Variants in RPS6KA2 observed in about 807,000 individuals in gnomAD.
RPS6KA2 encodes ribosomal protein S6 kinase A2.
RPS6KA2 carries 42 observed loss-of-function variants against 91.8 expected under a neutral mutation model. The ratio of observed to expected loss-of-function variants is 0.46; its 90% CI spans 0.36 to 0.59. RPS6KA2 has a LOEUF of 0.59. Among genes scored for constraint, RPS6KA2 ranks in the 20% least tolerant of loss-of-function variants. The pLI is 0.00. For synonymous variants in RPS6KA2, 414 were observed against 393.6 expected (o/e 1.05, Z -0.61); for missense variants, 798 against 978.5 (o/e 0.82, Z 2.46).
At chr6:166,536,945 C>T (rs1783498884) in intron 2 of RPS6KA2, among the ~76,000 whole-genome samples, 1 of 152,220 alleles carries the variant, frequency 6.6e-6, no homozygotes, top group Non-Finnish European at 1.5e-5. Flanking sequence ...CACTTGTTTT[C>T]CAAAACATGT....
chr6:166,547,523 A>G (rs1156864676), intron 1 of RPS6KA2, among the ~76,000 whole-genome samples: 3 of 152,166 alleles, frequency 2.0e-5, no homozygotes, highest in African/African-American at 7.2e-5. Context: ...GCAGAGCAAA[A>G]CTGTTAGGCT....
At chr6:166,514,182 T>C (rs529672926) in intron 3 of RPS6KA2, among the ~76,000 whole-genome samples, 20 of 152,294 alleles carry the variant, frequency 1.3e-4, no homozygotes, top group East Asian at 7.7e-4. Context: ...CTCAAATTCC[T>C]TCCTCCCCCA....
At chr6:166,837,104 C>T (rs1393622154) in intron 2 of RPS6KA2, among the ~76,000 whole-genome samples, 2 of 152,200 alleles carry the variant, frequency 1.3e-5, no homozygotes. Flanking sequence ...CCGAGGAAGA[C>T]CGACGCTGTC....
Position 166,412,525 on chromosome 6 carries a change from T to G in RPS6KA2, c.*237A>C. 35 of 372,088 alleles carry G rather than the reference T, an allele frequency of 9.4e-5. No homozygotes were observed. The highest frequency in any genetic ancestry group is 1.4e-4 in the East Asian group (3 of 21,826). The allele number at this position is 372,088 out of a possible 1,614,324, so 23.0% of individuals were successfully genotyped here. On this transcript the variant is annotated 3_prime_UTR_variant, in exon 21 of 21. Coordinates refer to ENST00000265678, the MANE Select transcript of RPS6KA2 (RefSeq NM_021135.6). This position sits in a 1 kb window ranked among gnomAD's most constrained non-coding sequence, Gnocchi z 4.3. Reference sequence around the variant, plus strand: ...CGGGCACGCGAGGTGAAGGGGCGCATTTGGTTTCGCTTGGGAGAAAAGAGA... The same window carrying G: ...CGGGCACGCGAGGTGAAGGGGCGCAGTTGGTTTCGCTTGGGAGAAAAGAGA...
Position 166,412,892 on chromosome 6 carries a change from A to G in RPS6KA2, c.2077-5T>C. The G allele has an allele frequency of 6.5e-7, 1 of 1,550,288 alleles. No individual in the cohort carries two copies. The highest frequency in any genetic ancestry group is 1.7e-4 in the Middle Eastern group (1 of 5,972). ...GTAGGTGGCGGCCATCGCGCCCTGCAAAACAGAAGACAAGGGTGAGAGCCG... is the reference window on the plus strand; with the variant it reads ...GTAGGTGGCGGCCATCGCGCCCTGCGAAACAGAAGACAAGGGTGAGAGCCG... On this transcript the variant is annotated splice_region_variant and splice_polypyrimidine_tract_variant and intron_variant, in intron 20 of 20. Transcript: ENST00000265678. The surrounding 1 kb of genome is among the most constrained non-coding windows in gnomAD (Gnocchi z 4.3).
chr6:166,558,986 T>C (rs570512456), intron 1 of RPS6KA2, among the ~76,000 whole-genome samples: 1 of 152,358 alleles, frequency 6.6e-6, no homozygotes, highest in African/African-American at 2.4e-5. Context: ...TTTGTGCTTT[T>C]GAGTGGGTTG....
At chr6:166,609,223 T>C (rs1393235026) in intron 1 of RPS6KA2, among the ~76,000 whole-genome samples, 2 of 152,168 alleles carry the variant, frequency 1.3e-5, no homozygotes, top group Admixed American at 6.5e-5. Context: ...TGGGAGGTAC[T>C]ACAGAGATGA....
chr6:166,580,945 A>C (rs1405486449), intron 1 of RPS6KA2, among the ~76,000 whole-genome samples: 2 of 152,162 alleles, frequency 1.3e-5, no homozygotes, highest in African/African-American at 4.8e-5. Context: ...TCTGTTGCCC[A>C]GGCTGGAATG....
intron 2 of RPS6KA2, among the ~76,000 whole-genome samples, chr6:166,820,877 C>T (rs925480300): frequency 2.0e-5 from 3 of 152,218 alleles, no homozygotes; most frequent in African/African-American, 4.8e-5. Flanking sequence ...CCAATTACTA[C>T]GTTCACACAC....
intron 19 of RPS6KA2, among the ~76,000 whole-genome samples, chr6:166,414,356 C>CAAAT (rs1331681098): frequency 6.6e-6 from 1 of 152,144 alleles, no homozygotes; most frequent in Non-Finnish European, 1.5e-5. Context: ...ATATTTACTA[C>CAAAT]AAATAATCAG....
At chr6:166,792,728 A>C (rs983904449) in intron 2 of RPS6KA2, among the ~76,000 whole-genome samples, 8 of 152,254 alleles carry the variant, frequency 5.3e-5, no homozygotes, top group African/African-American at 1.9e-4. Flanking sequence ...ATAATCCATC[A>C]TATAAACAGA....
intron 2 of RPS6KA2, among the ~76,000 whole-genome samples, chr6:166,652,434 A>G (rs991176019): frequency 6.6e-6 from 1 of 152,152 alleles, no homozygotes; most frequent in African/African-American, 2.4e-5. Flanking sequence ...TCCCATGAGG[A>G]GTTTGATCGT....
rs533052930 is a variant in RPS6KA2, at chr6:166,538,486, C to T, written c.216+182G>A. Among the ~76,000 whole-genome samples the T allele has an allele frequency of 1.8e-4, 27 of 152,272 alleles. No individual in the cohort carries two copies. In the South Asian group the frequency reaches 3.5e-3, roughly 20 times the overall value. On this transcript the variant is annotated intron_variant, in intron 2 of 20. Coordinates refer to ENST00000265678, the MANE Select transcript of RPS6KA2 (RefSeq NM_021135.6). ...GCATTTTGTTCTCACCTGGCACAGC[C>T]CAGCCCTGTGCCACTGGAATTCTGG... is the stretch of plus-strand genomic sequence containing the variant.
At chr6:166,679,430 C>T (rs1046615470) in intron 2 of RPS6KA2, among the ~76,000 whole-genome samples, 2 of 152,126 alleles carry the variant, frequency 1.3e-5, no homozygotes, top group South Asian at 4.1e-4. Context: ...CACCACTGCA[C>T]TCCAGCCTGG....
intron 2 of RPS6KA2, among the ~76,000 whole-genome samples, chr6:166,837,836 C>G (rs1440690104): frequency 1.3e-5 from 2 of 152,254 alleles, no homozygotes; most frequent in Non-Finnish European, 2.9e-5. Flanking sequence ...CTAGGCATAA[C>G]TGGAAGCTTT....
intron 2 of RPS6KA2, among the ~76,000 whole-genome samples, chr6:166,844,865 CA>C (rs1360964533): frequency 2.3e-4 from 35 of 151,552 alleles, no homozygotes; most frequent in African/African-American, 8.2e-4. Context: ...AACACAACAA[CA>C]ACAAAAAAAA....
rs879909375 is a variant in RPS6KA2, at chr6:166,732,964, G to A, written c.123+125236C>T. Among the ~76,000 whole-genome samples the A allele has an allele frequency of 2.6e-5, 4 of 152,204 alleles. No individual in the cohort carries two copies. Among genetic ancestry groups the A allele is most frequent in the Admixed American group, 2.6e-4 (4 of 15,282 alleles). On this transcript the variant is annotated intron_variant, in intron 2 of 21. Transcript: ENST00000503859. This position sits in a 1 kb window ranked among gnomAD's most constrained non-coding sequence, Gnocchi z 4.0. ...TTAGAGGAAATGAGGAACCGGAGCG[G>A]CTGGGGTGCAGGGTGGGAGGCAGGG...
At chr6:166,558,996 G>T (rs1784260910) in intron 1 of RPS6KA2, among the ~76,000 whole-genome samples, 1 of 152,230 alleles carries the variant, frequency 6.6e-6, no homozygotes, top group Admixed American at 6.5e-5. Flanking sequence ...TGAGTGGGTT[G>T]AGCTAGGAAA....
At chr6:166,747,166 G>C (rs1172330568) in intron 2 of RPS6KA2, among the ~76,000 whole-genome samples, 1 of 152,122 alleles carries the variant, frequency 6.6e-6, no homozygotes, top group African/African-American at 2.4e-5. Flanking sequence ...TGGGGGTTGG[G>C]GGTGGGGATG....
Sources: gnomAD v4.1 joint callset for allele counts (sites outside exome capture counted in the v4.1 genomes callset) on GRCh38, gnomAD v4.1.1 for gene constraint, Gnocchi (gnomAD v3.1) non-coding constraint, MANE v1.5 for transcripts, NCBI Gene and HGNC (gene_info 2026-07-23, HGNC 2026-07-21) for gene names.